SULT2B1: variants seen among roughly 807,000 people sequenced by gnomAD.
The protein encoded by SULT2B1 is sulfotransferase 2B1.
SULT2B1 carries 16 observed loss-of-function variants against 33.2 expected under a neutral mutation model. The observed-to-expected ratio is 0.48, with a 90% confidence interval of 0.33 to 0.73. The LOEUF (loss-of-function observed/expected upper bound fraction) is 0.73, where lower values mean the gene tolerates loss of function less well. SULT2B1 is among the 30% of genes least tolerant of loss of function. SULT2B1 has a pLI of 0.02. For synonymous variants in SULT2B1, 186 were observed against 200.5 expected, an observed-to-expected ratio of 0.93 and a Z score of 0.61; for missense variants, 500 against 506.0, an observed-to-expected ratio of 0.99 and a Z score of 0.11.
At chr19:48,590,773 C>T (rs112227138) in intron 3 of SULT2B1, among the ~76,000 whole-genome samples, 6 of 152,232 alleles carry the variant, frequency 3.9e-5, no homozygotes, top group African/African-American at 1.2e-4. Flanking sequence ...CCAGCAGCCA[C>T]GTTTCTCTAA....
Position 48,591,585 on chromosome 19 carries a change from C to T in SULT2B1, c.424-24C>T, listed in dbSNP as rs546641784. On this transcript the variant is annotated intron_variant, in intron 3 of 6. Transcript: ENST00000201586. Reference sequence around the variant, plus strand: ...CTTGCCTGTGTCTGACGCCTTCTCCCCTCTCCTCACCATCCGCACACAGGT... The same window carrying T: ...CTTGCCTGTGTCTGACGCCTTCTCCTCTCTCCTCACCATCCGCACACAGGT... 4.4e-6 allele frequency: 7 copies of T among 1,602,594 alleles called. No individual in the cohort carries two copies. The African/African-American group carries it at 9.4e-5, about 21-fold the overall frequency.
intron 5 of SULT2B1, among the ~76,000 whole-genome samples, chr19:48,593,826 G>A (rs947188649): frequency 3.5e-4 from 53 of 149,990 alleles, no homozygotes; most frequent in Admixed American, 6.6e-5. Context: ...TAGAGACGGG[G>A]TTTCTCCATG....
chr19:48,576,742 T>C (rs1205618038), intron 2 of SULT2B1, among the ~76,000 whole-genome samples: 1 of 150,516 alleles, frequency 6.6e-6, no homozygotes, highest in Non-Finnish European at 1.5e-5. Flanking sequence ...TGGACTCACA[T>C]GATCCGCCCA....
rs201088504 is a variant in SULT2B1, at chr19:48,561,430, A to AAAATAAAT, written c.71+9117_71+9124dup. On this transcript the variant is annotated intron_variant, in intron 1 of 6. Transcript: ENST00000201586. ...GGCAACAAGAGTGAAACACTGTCTC[A>AAAATAAAT]AAATAAATAAATAAATAGATAGATA... Among the ~76,000 whole-genome samples the AAAATAAAT allele has an allele frequency of 1.4e-4, 21 of 151,168 alleles. No individual in the cohort carries two copies. The East Asian group carries it at 2.7e-3, about 20-fold the overall frequency.
In SULT2B1 at chr19:48,599,321, G is replaced by C. The variant is rs1568416199; in HGVS notation, c.1013G>C (p.Ser338Thr). Residue 338 changes from serine (S) to threonine (T), a missense_variant, in exon 7 of 7, where the codon AGC (serine) becomes ACC (threonine). Coordinates refer to ENST00000201586, the MANE Select transcript of SULT2B1 (RefSeq NM_177973.2). This position sits in a 1 kb window ranked among gnomAD's most constrained non-coding sequence, Gnocchi z 4.1. The part of the protein sequence containing the change: ...EPKPSLEPNT[S>T]LEREPRPNSS... ...AAGCCCAGCCTTGAGCCCAACACCA[G>C]CCTGGAGCGTGAGCCCAGACCCAAC... The C allele has an allele frequency of 6.2e-7, 1 of 1,605,444 alleles. No homozygotes were observed. The highest frequency in any genetic ancestry group is 1.7e-5 in the Admixed American group (1 of 58,792).
chr19:48,557,850 C>T (rs1022270641), intron 1 of SULT2B1, among the ~76,000 whole-genome samples: 7 of 151,950 alleles, frequency 4.6e-5, no homozygotes, highest in African/African-American at 1.7e-4. Context: ...ACCCAGGAGG[C>T]GGAGGTTGCG....
chr19:48,581,476 T>TTTG (rs1237563661), intron 2 of SULT2B1, among the ~76,000 whole-genome samples: 1 of 145,646 alleles, frequency 6.9e-6, no homozygotes, highest in Non-Finnish European at 1.5e-5. Context: ...TTGAGAGTTT[T>TTTG]TTTTTTTTTT....
rs183696764 is a variant in SULT2B1 at position 48,561,971 on chromosome 19, C to T, written c.71+9648C>T. Among the ~76,000 whole-genome samples, 3 of 151,960 alleles carry T rather than the reference C, an allele frequency of 2.0e-5. No individual in the cohort carries two copies. The East Asian group carries it at 5.8e-4, about 29-fold the overall frequency. On this transcript the variant is annotated intron_variant, in intron 1 of 6. Transcript: ENST00000201586. The stretch of plus-strand genomic sequence containing the variant: ...TGTCTACTAAAAACACAATAATTAG[C>T]CGGGCTCATTGCTCACGCCTGCAAT...
In SULT2B1 at chr19:48,591,755, G is replaced by A; in HGVS notation, c.550+20G>A. ...GCGAAGGTGGGGACAGGGTAAAGCG[G>A]GGCAGGAGGGGTGGGGAGGAGCCCC... On this transcript the variant is annotated intron_variant, in intron 4 of 6. Transcript: ENST00000201586. 6.4e-7 allele frequency: 1 copy of A among 1,554,928 alleles called. No individual in the cohort carries two copies.
chr19:48,597,369 G>C (rs927992991), intron 6 of SULT2B1, among the ~76,000 whole-genome samples: 2 of 133,278 alleles, frequency 1.5e-5, no homozygotes, highest in Non-Finnish European at 1.5e-5. Context: ...AAAGAGTCTC[G>C]CTCTGTCGCC....
rs200613768 is a variant in SULT2B1, at chr19:48,574,264, CTTCA to C, written c.72-1673_72-1670del. Among the ~76,000 whole-genome samples, 1,190 of 152,130 alleles carry C rather than the reference CTTCA, an allele frequency of 7.8e-3. 12 individuals are homozygous for C. Among genetic ancestry groups the C allele is most frequent in the African/African-American group, 0.027 (1,128 of 41,470 alleles). ...ACTTTCCTTTTGTCCTGGTAAACCC[CTTCA>C]TTCCTTCCTTCCTTCCTTCCTACAC... is the stretch of plus-strand genomic sequence containing the variant. On this transcript the variant is annotated intron_variant, in intron 1 of 6. Coordinates refer to ENST00000201586, the MANE Select transcript of SULT2B1 (RefSeq NM_177973.2).
chr19:48,595,230 C>T lies in SULT2B1; in HGVS notation c.646-1509C>T, dbSNP rs551581514. 6.6e-5 allele frequency among the ~76,000 whole-genome samples: 10 copies of T among 151,738 alleles called. No homozygotes were observed. In the East Asian group the frequency reaches 1.4e-3, roughly 21 times the overall value. Reference sequence around the variant, plus strand: ...CCGGGAGGCAGAGGTTGCGGTGAGACGAGATCATGCCATTGCACTCCAGCC... The same window carrying T: ...CCGGGAGGCAGAGGTTGCGGTGAGATGAGATCATGCCATTGCACTCCAGCC... On this transcript the variant is annotated intron_variant, in intron 5 of 6. Transcript: ENST00000201586.
intron 2 of SULT2B1, among the ~76,000 whole-genome samples, chr19:48,577,441 C>T (rs2147613409): frequency 7.3e-6 from 1 of 137,402 alleles, no homozygotes; most frequent in Admixed American, 8.0e-5. Context: ...TCTCGGCTCA[C>T]TGCAATCTCT....
Position 48,591,603 on chromosome 19 carries a change from A to C in SULT2B1, c.424-6A>C. 6.2e-7 allele frequency: 1 copy of C among 1,610,356 alleles called. No homozygotes were observed. Among genetic ancestry groups the C allele is most frequent in the Non-Finnish European group, 8.5e-7 (1 of 1,177,786 alleles). On this transcript the variant is annotated splice_region_variant and splice_polypyrimidine_tract_variant and intron_variant, in intron 3 of 6. Transcript: ENST00000201586. ...CTTCTCCCCTCTCCTCACCATCCGC[A>C]CACAGGTGATCTACATGGGCCGCAA...
chr19:48,587,110 T>TA (rs1208489951), intron 2 of SULT2B1, 119 bp from the exon 3 acceptor site: 2 of 647,750 alleles, frequency 3.1e-6, no homozygotes, highest in East Asian at 6.0e-5. Flanking sequence ...AGACTCTGTC[T>TA]TAAAAAAAAA....
intron 2 of SULT2B1, among the ~76,000 whole-genome samples, chr19:48,576,354 C>CTTTTTTTTTTTTTTTTTTTTTTTTTTTTT (rs879507532): frequency 5.0e-5 from 4 of 79,920 alleles, no homozygotes; most frequent in Admixed American, 1.6e-4. Context: ...TTACCCTCTA[C>CTTTTTTTTTTTTTTTTTTTTTTTTTTTTT]TTCTCTTTTT....
intron 2 of SULT2B1, among the ~76,000 whole-genome samples, chr19:48,582,881 G>A (rs955000357): frequency 4.4e-4 from 66 of 148,868 alleles, no homozygotes; most frequent in African/African-American, 1.5e-3. Context: ...AGTCAGGCAC[G>A]GTGGCTCATG....
At position 48,576,359 on chromosome 19, in the gene SULT2B1, C is replaced by CTTTTCTTTTTTTTTTTTTT; in HGVS notation, c.214+280_214+281insCTTTTTTTTTTTTTTTTTT. On this transcript the variant is annotated intron_variant, in intron 2 of 6. Transcript: ENST00000201586. ...CCTTTCCCCTTTACCCTCTACTTCT[C>CTTTTCTTTTTTTTTTTTTT]TTTTTTTTTTTTTTTTTTGTAGAGA... 2.9e-3 allele frequency among the ~76,000 whole-genome samples: 281 copies of CTTTTCTTTTTTTTTTTTTT among 96,684 alleles called. 1 individual carries two copies. The highest frequency in any genetic ancestry group is 0.011 in the East Asian group (39 of 3,432). 63.4% of individuals were successfully genotyped at this position (96,684 alleles called of 152,430 possible).
chr19:48,560,680 G>T (rs1273479230), intron 1 of SULT2B1, among the ~76,000 whole-genome samples: 1 of 152,114 alleles, frequency 6.6e-6, no homozygotes, highest in Non-Finnish European at 1.5e-5. Flanking sequence ...TGTCAATGAG[G>T]CTGGGCGTGG....
Sources: gnomAD v4.1 joint callset for allele counts (sites outside exome capture counted in the v4.1 genomes callset) on GRCh38, gnomAD v4.1.1 for gene constraint, Gnocchi (gnomAD v3.1) non-coding constraint, MANE v1.5 for transcripts, NCBI Gene and HGNC (gene_info 2026-07-23, HGNC 2026-07-21) for gene names.